The following SHISA7 variants were observed in gnomAD, a reference collection of about 807,000 sequenced individuals.
SHISA7 encodes the protein shisa family member 7.
SHISA7 carries 6 observed loss-of-function variants against 23.9 expected under a neutral mutation model. The observed-to-expected ratio is 0.25, with a 90% CI of 0.14 to 0.50. SHISA7 has a LOEUF of 0.50. Ranked by LOEUF, SHISA7 falls within the 20% of genes least tolerant of loss-of-function variation. SHISA7 has a pLI of 0.98. For missense variants in SHISA7, 671 were observed against 801.1 expected (o/e 0.84, Z 1.96); for synonymous variants, 386 against 398.3 (o/e 0.97, Z 0.37).
intron 2 of SHISA7, among the ~76,000 whole-genome samples, chr19:55,439,174 T>C (rs1285740932): frequency 6.6e-6 from 1 of 152,206 alleles, no homozygotes; most frequent in Admixed American, 6.5e-5. Context: ...ACTGGATGTC[T>C]GCAGCCCCAT....
At position 55,442,621 on chromosome 19, in the gene SHISA7, G is replaced by C. The variant is rs1985622843; in HGVS notation, c.243C>G (p.Leu81=). The part of the protein sequence containing the change: ...AAARAPPPAE[L]CHGYYDVMGQ... The stretch of plus-strand genomic sequence containing the variant: ...CCATGACATCGTAGTAGCCGTGGCA[G>C]AGCTCGGCGGGAGGGGGCGCCCGGG... Residue 81 remains leucine (L), a synonymous_variant, in exon 1 of 4, where the codon CTC becomes CTG. Transcript: ENST00000376325. The C allele has an allele frequency of 7.2e-7, 1 of 1,396,654 alleles. No homozygotes were observed. The highest frequency in any genetic ancestry group is 1.5e-5 in the African/African-American group (1 of 65,700). 86.5% of individuals were successfully genotyped at this position (1,396,654 alleles called of 1,614,324 possible).
Position 55,433,828 on chromosome 19 carries a change from G to A in SHISA7, c.977-32C>T. ...GGAGAGGGGGAAAAGCCACAGCCGT[G>A]GGTCCCCTGCGCATCTAGAGCCCTC... On this transcript the variant is annotated intron_variant, in intron 3 of 3. Coordinates refer to ENST00000376325, the MANE Select transcript of SHISA7 (RefSeq NM_001145176.2). This position sits in a 1 kb window ranked among gnomAD's most constrained non-coding sequence, Gnocchi z 8.4. 1 of 1,369,328 alleles carries A rather than the reference G, an allele frequency of 7.3e-7. No homozygotes were observed. The highest frequency in any genetic ancestry group is 9.4e-7 in the Non-Finnish European group (1 of 1,068,922). 84.8% of individuals were successfully genotyped at this position (1,369,328 alleles called of 1,614,324 possible). A position where few individuals can be genotyped will look rare whatever the true frequency, so the allele number is the denominator to read the frequency against.
rs1277554274 is a variant in SHISA7, at chr19:55,443,177, G to A, written c.-314C>T. 1.3e-5 allele frequency among the ~76,000 whole-genome samples: 2 copies of A among 151,582 alleles called. No homozygotes were observed. The highest frequency in any genetic ancestry group is 2.4e-5 in the African/African-American group (1 of 41,198). On this transcript the variant is annotated 5_prime_UTR_variant, in exon 1 of 4. Coordinates refer to ENST00000376325, the MANE Select transcript of SHISA7 (RefSeq NM_001145176.2). ...AAATGAGCATGGGCGGACAGAACCGGGATCAGGCGAGAGATGAATGCGGGA... is the reference window on the plus strand; with the variant it reads ...AAATGAGCATGGGCGGACAGAACCGAGATCAGGCGAGAGATGAATGCGGGA...
intron 3 of SHISA7, among the ~76,000 whole-genome samples, chr19:55,434,630 G>A: frequency 8.9e-6 from 1 of 112,484 alleles, no homozygotes. Flanking sequence ...TGTGTGTGTG[G>A]TGTGTGTGGT....
At position 55,429,231 on chromosome 19, in the gene SHISA7, G is replaced by C. The variant is rs897180998; in HGVS notation, c.*3925C>G. The C allele has an allele frequency of 6.6e-6, 1 of 152,532 alleles. No individual in the cohort carries two copies. Among genetic ancestry groups the C allele is most frequent in the East Asian group, 1.9e-4 (1 of 5,190 alleles). The allele number at this position is 152,532 out of a possible 1,614,324, so 9.4% of individuals were successfully genotyped here. A position where few individuals can be genotyped will look rare whatever the true frequency, so the allele number is the denominator to read the frequency against. ...TCCAGGCTGGGCTAGAGCTAGTGGA[G>C]GGGGGATAAAAAAGCTGAAAGGCCC... is the stretch of plus-strand genomic sequence containing the variant. On this transcript the variant is annotated 3_prime_UTR_variant, in exon 4 of 4. Transcript: ENST00000376325.
Position 55,433,615 on chromosome 19 carries a change from C to G in SHISA7, c.1158G>C (p.Gln386His), listed in dbSNP as rs1267870944. 40 of 1,494,402 alleles carry G rather than the reference C, an allele frequency of 2.7e-5. No individual in the cohort carries two copies. Among genetic ancestry groups the G allele is most frequent in the Non-Finnish European group, 3.4e-5 (38 of 1,128,786 alleles). The allele number at this position is 1,494,402 out of a possible 1,614,324, so 92.6% of individuals were successfully genotyped here. ...PAPNPRRVMSQEHLLGDGGRS... is the reference protein window; with the variant it reads ...PAPNPRRVMSHEHLLGDGGRS... The stretch of plus-strand genomic sequence containing the variant: ...GGCCACCATCGCCCAGCAGGTGCTC[C>G]TGGGACATGACCCGCCGGGGGTTGG... The change falls in exon 4 of 4, where the codon CAG becomes CAC. Residue 386 changes from glutamine to histidine, a missense_variant. Gln to His is a conservative substitution (Grantham distance 24). Coordinates refer to ENST00000376325, the MANE Select transcript of SHISA7 (RefSeq NM_001145176.2). The surrounding 1 kb of genome is among the most constrained non-coding windows in gnomAD (Gnocchi z 8.4).
At chr19:55,435,044 T>G in intron 3 of SHISA7, among the ~76,000 whole-genome samples, 1 of 106,372 alleles carries the variant, frequency 9.4e-6, no homozygotes, top group Admixed American at 1.0e-4. Flanking sequence ...CTGTGTGGTG[T>G]GTGTGTGGTG....
Position 55,440,662 on chromosome 19 carries a change from G to T in SHISA7, c.775C>A (p.Pro259Thr). 1.6e-6 allele frequency: 2 copies of T among 1,249,782 alleles called. No individual in the cohort carries two copies. The highest frequency in any genetic ancestry group is 2.0e-6 in the Non-Finnish European group (2 of 988,292). 77.4% of individuals were successfully genotyped at this position (1,249,782 alleles called of 1,614,324 possible). ...TPGIGGPDSM[P>T]PRTPKNLYNT... is the part of the protein sequence containing the mutation. Reference sequence around the variant, plus strand: ...TAGAGGTTCTTGGGCGTCCTGGGGGGCATGCTGTCGGGACCGCCGATCCCC... The same window carrying T: ...TAGAGGTTCTTGGGCGTCCTGGGGGTCATGCTGTCGGGACCGCCGATCCCC... Residue 259 changes from proline (P) to threonine (T), a missense_variant, in exon 2 of 4, where the codon CCC becomes ACC. Transcript: ENST00000376325.
At position 55,433,133 on chromosome 19, in the gene SHISA7, GC is replaced by G; in HGVS notation, c.*22del. 6 of 1,507,402 alleles carry G rather than the reference GC, an allele frequency of 4.0e-6. No homozygotes were observed. The highest frequency in any genetic ancestry group is 2.7e-5 in the East Asian group (1 of 36,614). The allele number at this position is 1,507,402 out of a possible 1,614,324, so 93.4% of individuals were successfully genotyped here. On this transcript the variant is annotated 3_prime_UTR_variant, in exon 4 of 4. Coordinates refer to ENST00000376325, the MANE Select transcript of SHISA7 (RefSeq NM_001145176.2). The surrounding 1 kb of genome is among the most constrained non-coding windows in gnomAD (Gnocchi z 8.4). Reference sequence around the variant, plus strand: ...GGGACGGGGGGCCCGGGAGGCCGCAGCCCCCCAGACCCGGCCCTGGCCTCAG... The same window carrying G: ...GGGACGGGGGGCCCGGGAGGCCGCAGCCCCCAGACCCGGCCCTGGCCTCAG...
Position 55,440,679 on chromosome 19 carries a change from C to T in SHISA7, c.758G>A (p.Gly253Asp). 8.0e-7 allele frequency: 1 copy of T among 1,249,762 alleles called. No individual in the cohort carries two copies. The highest frequency in any genetic ancestry group is 4.1e-5 in the South Asian group (1 of 24,430). The allele number at this position is 1,249,762 out of a possible 1,614,324, so 77.4% of individuals were successfully genotyped here. A position where few individuals can be genotyped will look rare whatever the true frequency, so the allele number is the denominator to read the frequency against. The change falls in exon 2 of 4, where the codon GGC becomes GAC. Residue 253 changes from glycine to aspartate, a missense_variant. By Grantham distance (94) the Gly-to-Asp change is moderately conservative. This residue lies in a region of SHISA7 where 457 missense variants were observed against 488.3 expected (regional missense o/e 0.94). Transcript: ENST00000376325. Reference sequence around the variant, plus strand: ...CCTGGGGGGCATGCTGTCGGGACCGCCGATCCCCGGGGTCAGGGAGCTGCT... The same window carrying T: ...CCTGGGGGGCATGCTGTCGGGACCGTCGATCCCCGGGGTCAGGGAGCTGCT... ...ARSSSLTPGI[G>D]GPDSMPPRTP...
Position 55,437,713 on chromosome 19 carries a change from A to T in SHISA7, c.868T>A (p.Ser290Thr). The change falls in exon 3 of 4, where the codon TCC (serine) becomes ACC (threonine). Residue 290 changes from serine to threonine, a missense_variant. Ser to Thr is a moderately conservative substitution (Grantham distance 58). This residue lies in a region of SHISA7 where 457 missense variants were observed against 488.3 expected (regional missense o/e 0.94). Coordinates refer to ENST00000376325, the MANE Select transcript of SHISA7 (RefSeq NM_001145176.2). ...AAGGACCGAGAGCAGGACAGCGTGG[A>T]GTAGTGCAAGGAGGGGCTGGGCGGC... ...LPPPSPSLHY[S>T]TLSCSRSFHN... The T allele has an allele frequency of 6.4e-7, 1 of 1,551,346 alleles. No homozygotes were observed. Among genetic ancestry groups the T allele is most frequent in the Non-Finnish European group, 8.7e-7 (1 of 1,146,880 alleles).
At chr19:55,435,102 GGT>G (rs201585694) in intron 3 of SHISA7, among the ~76,000 whole-genome samples, 15,805 of 77,202 alleles carry the variant, frequency 0.2, 1,846 homozygotes, top group East Asian at 0.3. Context: ...GTGTGTGTAT[GGT>G]GTGTGTGTGG....
intron 3 of SHISA7, among the ~76,000 whole-genome samples, chr19:55,435,317 G>A (rs1162582745): frequency 1.6e-5 from 2 of 125,528 alleles, no homozygotes; most frequent in Admixed American, 8.6e-5. Flanking sequence ...TGTGGTGTGT[G>A]TGTGGGTGTG....
intron 3 of SHISA7, among the ~76,000 whole-genome samples, chr19:55,434,442 GTGTGTGGGTGTGTGGT>G (rs1424425618): frequency 4.4e-5 from 6 of 134,966 alleles, no homozygotes; most frequent in Non-Finnish European, 7.9e-5. Context: ...TGTGGTGTGT[GTGTGTGGGTGTGTGGT>G]TGTGTGGTGT....
In SHISA7 at chr19:55,442,541, C is replaced by A; in HGVS notation, c.323G>T (p.Gly108Val). 1 of 1,479,274 alleles carries A rather than the reference C, an allele frequency of 6.8e-7. No homozygotes were observed. Among genetic ancestry groups the A allele is most frequent in the Non-Finnish European group, 9.0e-7 (1 of 1,112,014 alleles). 91.6% of individuals were successfully genotyped at this position (1,479,274 alleles called of 1,614,324 possible). ...ACAGCAGAAGCGGTAGTGGCAGGTG[C>A]CACAGCAGAAGCGGTAGGAGCCGGT... ...CSTGSYRFCC[G>V]TCHYRFCCEH... Residue 108 changes from glycine to valine, a missense_variant, in exon 1 of 4, where the codon GGC becomes GTC. By Grantham distance (109) the Gly-to-Val change is moderately radical (BLOSUM62 -3). Transcript: ENST00000376325.
At chr19:55,440,001 AAT>A (rs1985558708) in intron 2 of SHISA7, among the ~76,000 whole-genome samples, 1 of 150,492 alleles carries the variant, frequency 6.6e-6, no homozygotes, top group South Asian at 2.1e-4. Context: ...TACAATATTA[AAT>A]ATGATATATC....
Position 55,442,363 on chromosome 19 carries a change from C to G in SHISA7, c.501G>C (p.Gly167=), listed in dbSNP as rs1159512120. 9.9e-6 allele frequency: 14 copies of G among 1,417,616 alleles called. No individual in the cohort carries two copies. The Admixed American group carries it at 2.2e-4, about 23-fold the overall frequency. The allele number at this position is 1,417,616 out of a possible 1,614,324, so 87.8% of individuals were successfully genotyped here. ...GGCCCCCGGCACCCCCAGTCCGGCC[C>G]CCTTCCAACCACCCGGCCTGGCCGG... ...PGPGQAGWLE[G]GRTGGAGGRG... Residue 167 remains glycine, a synonymous_variant, in exon 1 of 4, where the codon GGG becomes GGC. Transcript: ENST00000376325.
intron 3 of SHISA7, among the ~76,000 whole-genome samples, chr19:55,434,982 G>GT (rs1985386548): frequency 2.2e-5 from 2 of 89,592 alleles, no homozygotes; most frequent in Admixed American, 1.2e-4. Context: ...GTGTGTGGAT[G>GT]GTGTGTATGG....
chr19:55,440,461 C>T (rs767175259), intron 2 of SHISA7, 150 bp downstream of exon 2: 8 of 733,762 alleles, frequency 1.1e-5, no homozygotes, highest in African/African-American at 1.8e-5. Context: ...GTCCGCCTTT[C>T]GCAGGGCAGG....
Sources: gnomAD v4.1 joint callset for allele counts (sites outside exome capture counted in the v4.1 genomes callset) on GRCh38, gnomAD v4.1.1 for gene constraint, gnomAD v4.1.1 regional missense constraint, Gnocchi (gnomAD v3.1) non-coding constraint, MANE v1.5 for transcripts, NCBI Gene and HGNC (gene_info 2026-07-23, HGNC 2026-07-21) for gene names.